The following ACAD10 variants were observed in gnomAD, a reference collection of about 807,000 sequenced individuals.
ACAD10 encodes the protein ACAD-10.
Under a neutral mutation model 116.8 loss-of-function variants are expected in ACAD10, and 112 were observed. That is an observed-to-expected ratio of 0.96 (90% confidence interval 0.82 to 1.12). ACAD10 has a LOEUF of 1.12. Ranked by LOEUF, ACAD10 falls within the 50% of genes most tolerant of loss-of-function variation. ACAD10 has a pLI of 0.00. For synonymous variants in ACAD10, 486 were observed against 510.6 expected (o/e 0.95, Z 0.65); for missense variants, 1,259 against 1,350.2 (o/e 0.93, Z 1.06).
intron 18 of ACAD10, among the ~76,000 whole-genome samples, chr12:111,751,505 C>T (rs1328818220): frequency 2.0e-5 from 3 of 151,918 alleles, no homozygotes; most frequent in African/African-American, 7.3e-5. Context: ...CTGAGGTGGG[C>T]GGATCACTTC....
intron 8 of ACAD10, among the ~76,000 whole-genome samples, chr12:111,727,619 A>G (rs577171473): frequency 2.6e-5 from 4 of 152,276 alleles, no homozygotes; most frequent in African/African-American, 7.2e-5. Context: ...TGCTTGCTAC[A>G]TTATTACACT....
At chr12:111,706,643 G>T (rs764371393) in intron 4 of ACAD10, among the ~76,000 whole-genome samples, 64 of 151,132 alleles carry the variant, frequency 4.2e-4, no homozygotes, top group Non-Finnish European at 7.5e-4. Context: ...AGAGACGGGG[G>T]TTTCACCATG....
At chr12:111,691,193 G>A (rs1364554655) in intron 1 of ACAD10, 2 of 152,146 alleles carry the variant, frequency 1.3e-5, no homozygotes, top group Admixed American at 6.6e-5. Flanking sequence ...ACGTGTACAT[G>A]TATGTATGTG....
At chr12:111,693,014 T>TAGA (rs1888099134) in intron 2 of ACAD10, 118 bp downstream of exon 2, 1 of 1,200,610 alleles carries the variant, frequency 8.3e-7, no homozygotes, top group Non-Finnish European at 1.2e-6. Context: ...GGCCATGCTC[T>TAGA]GGCTCTCGAG....
intron 3 of ACAD10, among the ~76,000 whole-genome samples, chr12:111,704,172 C>T (rs1031969059): frequency 6.7e-6 from 1 of 150,344 alleles, no homozygotes; most frequent in Non-Finnish European, 1.5e-5. Flanking sequence ...GACACAGTCT[C>T]ACTCTGTTGC....
At chr12:111,737,895 C>T (rs143225406) in intron 12 of ACAD10, among the ~76,000 whole-genome samples, 2,361 of 152,040 alleles carry the variant, frequency 0.016, 72 homozygotes, top group African/African-American at 0.054. Context: ...CTCTGTCGCC[C>T]AGGCTGGAGT....
chr12:111,714,605 T>C (rs1352403002), intron 6 of ACAD10, among the ~76,000 whole-genome samples: 1 of 151,794 alleles, frequency 6.6e-6, no homozygotes, highest in East Asian at 1.9e-4. Flanking sequence ...GAGGTTGCAG[T>C]GAGCTGAGAT....
Position 111,721,665 on chromosome 12 carries a change from T to C in ACAD10, c.993-6T>C. On this transcript the variant is annotated splice_region_variant and splice_polypyrimidine_tract_variant and intron_variant, in intron 7 of 20. Coordinates refer to ENST00000313698, the MANE Select transcript of ACAD10 (RefSeq NM_025247.6). ...CAATTTTGTTTATTTTCATTTGTCCTTGCAGGATTATGAAAGCCCTTGCAA... is the reference window on the plus strand; with the variant it reads ...CAATTTTGTTTATTTTCATTTGTCCCTGCAGGATTATGAAAGCCCTTGCAA... 1 of 1,597,494 alleles carries C rather than the reference T, an allele frequency of 6.3e-7. No individual in the cohort carries two copies. Among genetic ancestry groups the C allele is most frequent in the East Asian group, 2.2e-5 (1 of 44,492 alleles).
At chr12:111,733,069 G>A (rs960179150) in intron 10 of ACAD10, among the ~76,000 whole-genome samples, 3 of 152,052 alleles carry the variant, frequency 2.0e-5, no homozygotes, top group Non-Finnish European at 4.4e-5. Context: ...GGTCTCTCCA[G>A]CATGGCAACT....
At chr12:111,724,814 G>C (rs1889164710) in intron 8 of ACAD10, among the ~76,000 whole-genome samples, 1 of 149,388 alleles carries the variant, frequency 6.7e-6, no homozygotes, top group South Asian at 2.1e-4. Flanking sequence ...CGTGGAAAGA[G>C]AGGGAGAGGG....
At chr12:111,729,741 T>G in intron 9 of ACAD10, 65 bp from the exon 10 acceptor site, 1 of 1,578,236 alleles carries the variant, frequency 6.3e-7, no homozygotes, top group South Asian at 1.2e-5. Flanking sequence ...TGCACTGGTT[T>G]TTTTTTCCGC....
At chr12:111,686,372 G>A (rs1316569869) in intron 1 of ACAD10, 133 bp downstream of exon 1, 1 of 152,444 alleles carries the variant, frequency 6.6e-6, no homozygotes, top group African/African-American at 2.4e-5. Flanking sequence ...GAGGCTCAGA[G>A]AGGTGAAGTT....
chr12:111,723,888 A>G (rs1386863636), intron 8 of ACAD10, among the ~76,000 whole-genome samples: 7 of 142,692 alleles, frequency 4.9e-5, no homozygotes, highest in South Asian at 2.3e-4. Flanking sequence ...CCGGGCAGGG[A>G]CGCTCCTCAC....
Position 111,705,920 on chromosome 12 carries a change from A to AC in ACAD10, c.520dup (p.Gln174ProfsTer3). 6.2e-7 allele frequency: 1 copy of AC among 1,614,144 alleles called. No individual in the cohort carries two copies. The highest frequency in any genetic ancestry group is 1.1e-5 in the South Asian group (1 of 91,076). On this transcript the variant is annotated frameshift_variant, in exon 4 of 21. Transcript: ENST00000313698. LOFTEE classifies it high-confidence loss of function. ...AAAGCTTTTTGCCCCTGGACCGGAA[A>AC]CAGTTTGATGTGGTAAGCTTGAGCT...
At chr12:111,691,710 C>T (rs1461711983) in intron 1 of ACAD10, among the ~76,000 whole-genome samples, 1 of 151,028 alleles carries the variant, frequency 6.6e-6, no homozygotes, top group African/African-American at 2.4e-5. Context: ...ATTCTCCTAC[C>T]TCAGCCTCCC....
At position 111,744,965 on chromosome 12, in the gene ACAD10, C is replaced by A; in HGVS notation, c.2037C>A (p.Tyr679Ter). The A allele has an allele frequency of 1.2e-6, 2 of 1,614,154 alleles. No homozygotes were observed. Among genetic ancestry groups the A allele is most frequent in the South Asian group, 1.1e-5 (1 of 91,086 alleles). The change falls in exon 13 of 21, where the codon TAC becomes TAA. Residue 679 changes from tyrosine (Y) to a stop codon, truncating the protein, a stop_gained. Transcript: ENST00000313698. LOFTEE classifies it high-confidence loss of function. ...RLKHFMEQRV[Y>*]PAEPELQSHQ... ...AGCACTTCATGGAGCAACGTGTGTA[C>A]CCTGCAGAGCCAGAGCTGCAGAGTC... is the stretch of plus-strand genomic sequence containing the variant.
chr12:111,719,759 G>A (rs942496686), intron 7 of ACAD10, among the ~76,000 whole-genome samples: 2 of 151,724 alleles, frequency 1.3e-5, no homozygotes, highest in Non-Finnish European at 2.9e-5. Context: ...ACAGAGTCTC[G>A]CTCTGTTGCC....
chr12:111,721,635 G>T (rs1240623657), intron 7 of ACAD10, 36 bp from the exon 8 acceptor site: 1 of 1,522,782 alleles, frequency 6.6e-7, no homozygotes, highest in South Asian at 1.2e-5. Flanking sequence ...CATCAATTCA[G>T]CCAGCAATTT....
At chr12:111,724,781 G>A (rs990758502) in intron 8 of ACAD10, among the ~76,000 whole-genome samples, 7 of 151,564 alleles carry the variant, frequency 4.6e-5, no homozygotes, top group South Asian at 4.2e-4. Flanking sequence ...GAGGGAGACC[G>A]TGGAAAGAGA....
Sources: allele counts gnomAD v4.1 joint callset (sites outside exome capture counted in the v4.1 genomes callset), GRCh38; gene constraint gnomAD v4.1.1; transcripts MANE v1.5; gene names NCBI Gene and HGNC (gene_info 2026-07-23, HGNC 2026-07-21).